CNTN5: variants seen among roughly 807,000 people sequenced by gnomAD.
CNTN5 encodes contactin 5.
CNTN5 carries 77 observed loss-of-function variants against 129.1 expected under a neutral mutation model. The ratio of observed to expected loss-of-function variants is 0.60; its 90% CI spans 0.50 to 0.72. The LOEUF (loss-of-function observed/expected upper bound fraction) is 0.72. Ranked by LOEUF, CNTN5 falls within the 30% of genes least tolerant of loss-of-function variation. The probability of loss-of-function intolerance (pLI) is 0.00; values close to 1 mark genes in which losing one functional copy is unlikely to be tolerated. For missense variants in CNTN5, 1,478 were observed against 1,328.8 expected, an observed-to-expected ratio of 1.11 and a Z score of -1.75; for synonymous variants, 509 against 465.6, an observed-to-expected ratio of 1.09 and a Z score of -1.20.
At chr11:100,203,806 A>ACACACACACACACG (rs922838927) in intron 15 of CNTN5, among the ~76,000 whole-genome samples, 1 of 151,096 alleles carries the variant, frequency 6.6e-6, no homozygotes, top group African/African-American at 2.4e-5. Context: ...ACGTACACAC[A>ACACACACACACACG]CACACACACA....
At chr11:100,212,517 G>A (rs187004088) in intron 15 of CNTN5, among the ~76,000 whole-genome samples, 11 of 152,218 alleles carry the variant, frequency 7.2e-5, no homozygotes, top group Non-Finnish European at 1.5e-4. Flanking sequence ...ATAAAAATAT[G>A]CAGCATCTAA....
Position 99,956,725 on chromosome 11 carries a change from T to A in CNTN5, c.674-81T>A, listed in dbSNP as rs766172931. On this transcript the variant is annotated intron_variant, in intron 7 of 24. Coordinates refer to ENST00000524871, the MANE Select transcript of CNTN5 (RefSeq NM_014361.4). ...TGACCTTGCAATATATCTAATGCTT[T>A]CTAAAGGCTTTGTTGTTTGAGCTTT... 246 of 1,004,428 alleles carry A rather than the reference T, an allele frequency of 2.4e-4. 1 individual carries two copies. The highest frequency in any genetic ancestry group is 5.8e-5 in the Admixed American group (3 of 51,444). 62.2% of individuals were successfully genotyped at this position (1,004,428 alleles called of 1,614,324 possible).
intron 16 of CNTN5, among the ~76,000 whole-genome samples, chr11:100,251,894 C>T (rs1444494062): frequency 6.6e-6 from 1 of 152,070 alleles, no homozygotes; most frequent in African/African-American, 2.4e-5. Context: ...GTAAAGAAGT[C>T]TCTGATATAC....
chr11:99,790,647 T>A (rs1459056475), intron 3 of CNTN5, among the ~76,000 whole-genome samples: 1 of 152,060 alleles, frequency 6.6e-6, no homozygotes, highest in Non-Finnish European at 1.5e-5. Flanking sequence ...ATGCATGTGT[T>A]TTTATGGTAG....
At chr11:99,325,811 A>G (rs910066287) in intron 2 of CNTN5, among the ~76,000 whole-genome samples, 6 of 152,238 alleles carry the variant, frequency 3.9e-5, no homozygotes, top group Non-Finnish European at 7.3e-5. Flanking sequence ...TAAGAAAAAC[A>G]GTACTCAGAT....
At chr11:99,960,548 T>G (rs1464036013) in intron 8 of CNTN5, among the ~76,000 whole-genome samples, 1 of 152,186 alleles carries the variant, frequency 6.6e-6, no homozygotes, top group African/African-American at 2.4e-5. Flanking sequence ...TATACTATAC[T>G]GGATGTGTTT....
chr11:100,280,575 A>G (rs1427681322), intron 18 of CNTN5, among the ~76,000 whole-genome samples: 2 of 151,972 alleles, frequency 1.3e-5, no homozygotes, highest in African/African-American at 4.8e-5. Flanking sequence ...GAGTGTCTTT[A>G]TAGGTGAAGT....
intron 3 of CNTN5, among the ~76,000 whole-genome samples, chr11:99,726,016 C>A (rs556766312): frequency 7.2e-4 from 109 of 152,290 alleles, no homozygotes; most frequent in African/African-American, 2.6e-3. Flanking sequence ...TTTGGCTATT[C>A]TGAAGTAGCC....
intron 1 of CNTN5, among the ~76,000 whole-genome samples, chr11:99,243,904 C>T (rs1037023598): frequency 9.2e-5 from 14 of 151,792 alleles, no homozygotes; most frequent in Admixed American, 9.2e-4. Context: ...AATGTGATGC[C>T]TCCAGCTGTA....
chr11:99,852,386 A>G (rs1002452350), intron 6 of CNTN5, among the ~76,000 whole-genome samples: 1 of 152,228 alleles, frequency 6.6e-6, no homozygotes, highest in African/African-American at 2.4e-5. Flanking sequence ...CTATTTGCCC[A>G]GGCTGGTCTT....
In CNTN5 at chr11:100,029,695, A is replaced by C. The variant is rs1215526970; in HGVS notation, c.980+27559A>C. On this transcript the variant is annotated intron_variant, in intron 9 of 24. Coordinates refer to ENST00000524871, the MANE Select transcript of CNTN5 (RefSeq NM_014361.4). ...CCTTCATAATTGAGACTGACTGTGG[A>C]GTATTCTACCCCTTACATGAAATGA... Among the ~76,000 whole-genome samples, 12 of 152,316 alleles carry C rather than the reference A, an allele frequency of 7.9e-5. No individual in the cohort carries two copies. In the East Asian group the frequency reaches 1.9e-3, roughly 24 times the overall value.
chr11:100,039,354 G>T (rs949275379), intron 9 of CNTN5, among the ~76,000 whole-genome samples: 1 of 152,154 alleles, frequency 6.6e-6, no homozygotes, highest in Non-Finnish European at 1.5e-5. Context: ...TGTCTGATGG[G>T]CTTCCCTTTG....
intron 3 of CNTN5, among the ~76,000 whole-genome samples, chr11:99,679,343 G>C (rs923475159): frequency 6.6e-6 from 1 of 151,782 alleles, no homozygotes; most frequent in African/African-American, 2.4e-5. Context: ...ACAAATTGAA[G>C]GTTGTGATAA....
intron 13 of CNTN5, among the ~76,000 whole-genome samples, chr11:100,139,324 T>C: frequency 6.6e-6 from 1 of 151,966 alleles, no homozygotes. Context: ...GAAATAAAAA[T>C]ATCAGAAAAA....
intron 3 of CNTN5, among the ~76,000 whole-genome samples, chr11:99,583,129 C>T (rs1459823995): frequency 5.3e-5 from 8 of 152,204 alleles, no homozygotes; most frequent in Non-Finnish European, 1.2e-4. Flanking sequence ...GCGCTGGCTG[C>T]AGAACAGCAG....
In CNTN5 at chr11:99,509,943, T is replaced by C. The variant is rs149804562; in HGVS notation, c.-70-46202T>C. 3.4e-4 allele frequency among the ~76,000 whole-genome samples: 52 copies of C among 151,972 alleles called. No individual in the cohort carries two copies. In the East Asian group the frequency reaches 9.9e-3, roughly 29 times the overall value. ...CTTGAATTCAAGTTCTGACTCCATC[T>C]ATTAATATTTCTGTAAGTCTATATA... On this transcript the variant is annotated intron_variant, in intron 2 of 24. Coordinates refer to ENST00000524871, the MANE Select transcript of CNTN5 (RefSeq NM_014361.4).
chr11:99,305,863 C>G (rs1450362424), intron 1 of CNTN5, among the ~76,000 whole-genome samples: 1 of 151,910 alleles, frequency 6.6e-6, no homozygotes, highest in Non-Finnish European at 1.5e-5. Flanking sequence ...CACCTGTAGT[C>G]CCAGCTACTC....
intron 1 of CNTN5, among the ~76,000 whole-genome samples, chr11:99,318,929 T>A (rs1285933342): frequency 6.6e-6 from 1 of 152,212 alleles, no homozygotes; most frequent in Non-Finnish European, 1.5e-5. Flanking sequence ...TGGTATTAAT[T>A]GAAAATCTGC....
Position 99,549,051 on chromosome 11 carries a change from A to G in CNTN5, c.-70-7094A>G, listed in dbSNP as rs554786642. ...TGCCTTTCTGGGCTACTTTTAGGTA[A>G]TCTTTTTATTCCTATTTCCTCTTTC... is the stretch of plus-strand genomic sequence containing the variant. On this transcript the variant is annotated intron_variant, in intron 2 of 24. Transcript: ENST00000524871. Among the ~76,000 whole-genome samples the G allele has an allele frequency of 2.0e-3, 296 of 150,854 alleles. 1 individual carries two copies. The highest frequency in any genetic ancestry group is 1.9e-3 in the Non-Finnish European group (129 of 67,810).
Sources: gnomAD v4.1 joint callset for allele counts (sites outside exome capture counted in the v4.1 genomes callset) on GRCh38, gnomAD v4.1.1 for gene constraint, MANE v1.5 for transcripts, NCBI Gene and HGNC (gene_info 2026-07-23, HGNC 2026-07-21) for gene names.